Variants in CLSTN2 observed in about 807,000 individuals in gnomAD.
CLSTN2 encodes calsyntenin 2.
CLSTN2 carries 48 observed loss-of-function variants against 101.2 expected under a neutral mutation model. The ratio of observed to expected loss-of-function variants is 0.47; its 90% CI spans 0.38 to 0.60. The LOEUF (loss-of-function observed/expected upper bound fraction) is 0.60, where lower values mean the gene tolerates loss of function less well. CLSTN2 is among the 20% of genes least tolerant of loss of function. The pLI is 0.00. For synonymous variants in CLSTN2, 481 were observed against 463.6 expected (o/e 1.04, Z -0.48); for missense variants, 1,160 against 1,238.2 (o/e 0.94, Z 0.95).
At chr3:140,187,167 C>G (rs1455505214) in intron 2 of CLSTN2, among the ~76,000 whole-genome samples, 6 of 152,164 alleles carry the variant, frequency 3.9e-5, no homozygotes, top group Non-Finnish European at 5.9e-5. Context: ...TTCCTCTTGG[C>G]TGCTATTCCC....
chr3:140,504,115 G>T (rs964367049), intron 8 of CLSTN2, among the ~76,000 whole-genome samples: 1 of 152,304 alleles, frequency 6.6e-6, no homozygotes, highest in South Asian at 2.1e-4. Context: ...AGCCTACAAG[G>T]CTTTGCCAGG....
chr3:140,439,517 G>A (rs747425967), intron 5 of CLSTN2, among the ~76,000 whole-genome samples: 6 of 152,338 alleles, frequency 3.9e-5, no homozygotes, highest in East Asian at 3.9e-4. Flanking sequence ...AAAGAACATC[G>A]TGAGCAAGAC....
At chr3:140,305,023 G>GACACACAC (rs374893786) in intron 2 of CLSTN2, among the ~76,000 whole-genome samples, 2,290 of 143,116 alleles carry the variant, frequency 0.016, 42 homozygotes, top group South Asian at 0.072. Context: ...CACACACAGA[G>GACACACAC]ACACACACAC....
At chr3:139,948,360 G>C (rs1350983219) in intron 1 of CLSTN2, among the ~76,000 whole-genome samples, 1 of 151,938 alleles carries the variant, frequency 6.6e-6, no homozygotes, top group Non-Finnish European at 1.5e-5. Flanking sequence ...AGCTACTCAG[G>C]AGAGTGAGGC....
rs551327427 is a variant in CLSTN2, at chr3:140,344,534, C to G, written c.233-59095C>G. On this transcript the variant is annotated intron_variant, in intron 2 of 16. Transcript: ENST00000458420. Reference sequence around the variant, plus strand: ...CTATAAGTGCCATGGTCTTTCTGGCCTCTAGAGTTTTTGTGTGCCATCCCT... The same window carrying G: ...CTATAAGTGCCATGGTCTTTCTGGCGTCTAGAGTTTTTGTGTGCCATCCCT... Among the ~76,000 whole-genome samples, 44 of 152,214 alleles carry G rather than the reference C, an allele frequency of 2.9e-4. 1 individual carries two copies. The South Asian group carries it at 3.7e-3, about 13-fold the overall frequency.
chr3:140,315,475 A>G (rs531944131), intron 2 of CLSTN2, among the ~76,000 whole-genome samples: 1 of 152,352 alleles, frequency 6.6e-6, no homozygotes, highest in Non-Finnish European at 1.5e-5. Flanking sequence ...TGTATTTGCT[A>G]TTTTAATTAG....
chr3:140,499,248 C>T (rs1175668439), intron 8 of CLSTN2, among the ~76,000 whole-genome samples: 4 of 152,156 alleles, frequency 2.6e-5, no homozygotes, highest in African/African-American at 4.8e-5. Flanking sequence ...CATCTGAAGA[C>T]GCTTCTCTTT....
intron 5 of CLSTN2, among the ~76,000 whole-genome samples, chr3:140,431,115 T>A (rs1204236903): frequency 1.3e-5 from 2 of 152,214 alleles, no homozygotes; most frequent in Non-Finnish European, 2.9e-5. Context: ...TACCTGGAAA[T>A]GGTAGCTGGA....
intron 2 of CLSTN2, among the ~76,000 whole-genome samples, chr3:140,196,423 C>G (rs1266255282): frequency 6.6e-6 from 1 of 152,206 alleles, no homozygotes; most frequent in Non-Finnish European, 1.5e-5. Flanking sequence ...GCAGTTGTCT[C>G]AGCATGTACT....
At chr3:140,459,830 G>A in intron 7 of CLSTN2, 61 bp downstream of exon 7, 1 of 1,589,566 alleles carries the variant, frequency 6.3e-7, no homozygotes, top group South Asian at 1.1e-5. Flanking sequence ...TTTTGTCACA[G>A]GTGGCTGGAC....
chr3:140,444,902 C>T (rs190739017), intron 5 of CLSTN2, among the ~76,000 whole-genome samples: 60 of 152,348 alleles, frequency 3.9e-4, no homozygotes, highest in Middle Eastern at 3.4e-3. Context: ...ACAGACATTT[C>T]TTGTGGTAAA....
intron 8 of CLSTN2, among the ~76,000 whole-genome samples, chr3:140,482,027 A>C (rs1027318137): frequency 6.6e-6 from 1 of 152,174 alleles, no homozygotes; most frequent in African/African-American, 2.4e-5. Flanking sequence ...GTCCTGTGCC[A>C]GTTTTCAAAG....
chr3:140,329,576 C>G (rs748771807), intron 2 of CLSTN2, among the ~76,000 whole-genome samples: 5 of 152,020 alleles, frequency 3.3e-5, no homozygotes, highest in Admixed American at 6.6e-5. Context: ...CTTATAAATG[C>G]ATGTGACACA....
intron 1 of CLSTN2, among the ~76,000 whole-genome samples, chr3:140,128,469 A>T (rs2009470668): frequency 6.6e-6 from 1 of 152,212 alleles, no homozygotes; most frequent in African/African-American, 2.4e-5. Context: ...TTATTTACAA[A>T]AGTGTGGGCA....
chr3:140,432,653 A>T (rs2088645192), intron 5 of CLSTN2, among the ~76,000 whole-genome samples: 1 of 152,190 alleles, frequency 6.6e-6, no homozygotes, highest in Admixed American at 6.5e-5. Context: ...TGATTTACCT[A>T]CTCAATGGTA....
chr3:140,121,963 A>G (rs1048569909), intron 1 of CLSTN2, among the ~76,000 whole-genome samples: 4 of 152,324 alleles, frequency 2.6e-5, no homozygotes, highest in Admixed American at 2.6e-4. Flanking sequence ...AATTGGAGAA[A>G]AAAACACAAC....
chr3:140,254,886 G>A (rs6772907), intron 2 of CLSTN2, among the ~76,000 whole-genome samples: 149,094 of 152,256 alleles, frequency 0.98, 73,058 homozygotes, highest in East Asian at 1. Flanking sequence ...ACAAAATGGG[G>A]GAAAATATTT....
intron 2 of CLSTN2, among the ~76,000 whole-genome samples, chr3:140,259,480 A>C (rs2086631955): frequency 6.6e-6 from 1 of 152,092 alleles, no homozygotes; most frequent in African/African-American, 2.4e-5. Context: ...TCTCCAAAAA[A>C]CAAAACAAAA....
chr3:140,549,093 C>T (rs1340629255), intron 10 of CLSTN2, among the ~76,000 whole-genome samples: 1 of 140,278 alleles, frequency 7.1e-6, no homozygotes, highest in Admixed American at 7.2e-5. Context: ...TTTTGTCAAT[C>T]CAGTGATGCA....
Sources: gnomAD v4.1 joint callset for allele counts (sites outside exome capture counted in the v4.1 genomes callset) on GRCh38, gnomAD v4.1.1 for gene constraint, MANE v1.5 for transcripts, NCBI Gene and HGNC (gene_info 2026-07-23, HGNC 2026-07-21) for gene names.